Variants in MDFIC2 observed in about 807,000 individuals in gnomAD.
MDFIC2 encodes the protein myoD family inhibitor domain-containing protein 2.
At chr3:70,247,596 A>G (rs1398670416) in intron 2 of MDFIC2, among the ~76,000 whole-genome samples, 1 of 151,932 alleles carries the variant, frequency 6.6e-6, no homozygotes, top group Admixed American at 6.6e-5. Context: ...TTAGAATTTT[A>G]ATATATAACA....
intron 2 of MDFIC2, among the ~76,000 whole-genome samples, chr3:70,306,856 ATGAT>A (rs1374297545): frequency 4.6e-5 from 7 of 152,170 alleles, no homozygotes; most frequent in Admixed American, 3.9e-4. Context: ...TTTAGGTCAT[ATGAT>A]TGGTGTCTTG....
chr3:70,205,723 T>G (rs547657289), intron 3 of MDFIC2: 113 of 152,262 alleles, frequency 7.4e-4, no homozygotes, highest in African/African-American at 2.5e-3. Context: ...TATTCAAAGT[T>G]TATTTAATCT....
chr3:70,240,389 G>A (rs1158382931), intron 2 of MDFIC2, among the ~76,000 whole-genome samples: 1 of 151,628 alleles, frequency 6.6e-6, no homozygotes, highest in Non-Finnish European at 1.5e-5. Flanking sequence ...TGAGCTATGT[G>A]GTTTTTTGTC....
intron 2 of MDFIC2, among the ~76,000 whole-genome samples, chr3:70,233,446 G>T (rs1227570821): frequency 2.0e-5 from 3 of 152,114 alleles, no homozygotes; most frequent in Non-Finnish European, 2.9e-5. Flanking sequence ...TGATGATAAA[G>T]CTTCCCTTTT....
intron 2 of MDFIC2, among the ~76,000 whole-genome samples, chr3:70,241,147 T>G (rs1701664558): frequency 6.6e-6 from 1 of 152,156 alleles, no homozygotes; most frequent in South Asian, 2.1e-4. Flanking sequence ...GCTGATAAAT[T>G]TATCAGTTCC....
At chr3:70,249,627 T>C (rs1045549538) in intron 2 of MDFIC2, 2 of 152,112 alleles carry the variant, frequency 1.3e-5, no homozygotes, top group South Asian at 2.1e-4. Context: ...AGAAATGTAA[T>C]GTTTTGGTCA....
At chr3:70,295,970 A>G (rs1414907511) in intron 2 of MDFIC2, among the ~76,000 whole-genome samples, 2 of 152,160 alleles carry the variant, frequency 1.3e-5, no homozygotes, top group Non-Finnish European at 2.9e-5. Flanking sequence ...ACCAATCCTG[A>G]CTTGCAAACC....
chr3:70,259,088 G>T (rs1279994510), intron 2 of MDFIC2, among the ~76,000 whole-genome samples: 6 of 152,058 alleles, frequency 3.9e-5, no homozygotes, highest in Non-Finnish European at 8.8e-5. Flanking sequence ...GAAATTATAC[G>T]GTACCTCCTG....
intron 3 of MDFIC2, chr3:70,204,758 A>G (rs1701274769): frequency 6.6e-6 from 1 of 151,552 alleles, no homozygotes; most frequent in Non-Finnish European, 1.5e-5. Context: ...GTGTCATGCT[A>G]GTTGGCTTGG....
chr3:70,205,302 C>T (rs576491190), intron 3 of MDFIC2: 1 of 152,202 alleles, frequency 6.6e-6, no homozygotes, highest in Non-Finnish European at 1.5e-5. Flanking sequence ...TGCTCTCCAG[C>T]TTGCCATAGT....
At chr3:70,247,165 T>C (rs1333345951) in intron 2 of MDFIC2, among the ~76,000 whole-genome samples, 1 of 152,044 alleles carries the variant, frequency 6.6e-6, no homozygotes, top group African/African-American at 2.4e-5. Context: ...ATTTTTCTCC[T>C]TTTTTCTAAC....
intron 2 of MDFIC2, among the ~76,000 whole-genome samples, chr3:70,246,906 T>C (rs912178507): frequency 6.6e-6 from 1 of 152,064 alleles, no homozygotes; most frequent in African/African-American, 2.4e-5. Flanking sequence ...TAATATTATA[T>C]TTAGACATGA....
intron 2 of MDFIC2, among the ~76,000 whole-genome samples, chr3:70,270,226 G>T (rs1056769360): frequency 6.6e-6 from 1 of 152,090 alleles, no homozygotes; most frequent in Non-Finnish European, 1.5e-5. Flanking sequence ...ATGACCAGTT[G>T]GTTTTACAAA....
intron 2 of MDFIC2, among the ~76,000 whole-genome samples, chr3:70,283,384 G>T (rs898583426): frequency 6.6e-5 from 10 of 152,022 alleles, no homozygotes; most frequent in African/African-American, 2.4e-4. Context: ...GAAACTGGAT[G>T]GTTATTGTTC....
intron 2 of MDFIC2, among the ~76,000 whole-genome samples, chr3:70,212,132 C>A (rs1228702343): frequency 1.3e-5 from 2 of 152,120 alleles, no homozygotes; most frequent in East Asian, 1.9e-4. Flanking sequence ...ATCCAGCCAT[C>A]CAAAGATGCA....
intron 2 of MDFIC2, among the ~76,000 whole-genome samples, chr3:70,228,260 A>G (rs892445913): frequency 6.6e-6 from 1 of 152,114 alleles, no homozygotes; most frequent in African/African-American, 2.4e-5. Context: ...ATGCTGAAGA[A>G]AACATAACAC....
chr3:70,232,928 C>T lies in MDFIC2; in HGVS notation c.89-26138G>A, dbSNP rs369189208. ...CCTATGCTAGGCGTGGGGGTTCACA[C>T]CGGTAATCCCAGCACTTTGGAAGGC... On this transcript the variant is annotated intron_variant, in intron 2 of 3. Transcript: ENST00000567252. 1.2e-3 allele frequency among the ~76,000 whole-genome samples: 183 copies of T among 152,212 alleles called. 1 individual carries two copies. The South Asian group carries it at 0.037, about 30-fold the overall frequency.
intron 2 of MDFIC2, among the ~76,000 whole-genome samples, chr3:70,281,335 T>C (rs1001263135): frequency 4.6e-5 from 7 of 152,134 alleles, no homozygotes; most frequent in African/African-American, 1.7e-4. Flanking sequence ...ATCTTATCCA[T>C]TCTCTCTCAA....
chr3:70,259,983 CTA>C (rs1198581860), intron 2 of MDFIC2, among the ~76,000 whole-genome samples: 2 of 152,108 alleles, frequency 1.3e-5, no homozygotes, highest in African/African-American at 4.8e-5. Flanking sequence ...AACCCACTCA[CTA>C]TCACGAGAAC....
Sources: allele counts gnomAD v4.1 joint callset (sites outside exome capture counted in the v4.1 genomes callset), GRCh38; gene constraint gnomAD v4.1.1; transcripts MANE v1.5; gene names NCBI Gene and HGNC (gene_info 2026-07-23, HGNC 2026-07-21).